Variants in PRDM14 observed in about 807,000 individuals in gnomAD.
The protein encoded by PRDM14 is PR domain zinc finger protein 14.
In PRDM14, 16 loss-of-function variants were observed where a neutral mutation model predicts 48.0. The ratio of observed to expected loss-of-function variants is 0.33; its 90% CI spans 0.23 to 0.51. The LOEUF (loss-of-function observed/expected upper bound fraction) is 0.51. Ranked by LOEUF, PRDM14 falls within the 20% of genes least tolerant of loss-of-function variation. The pLI is 0.97. For missense variants in PRDM14, 566 were observed against 719.6 expected, an observed-to-expected ratio of 0.79 and a Z score of 2.44; for synonymous variants, 264 against 276.6, an observed-to-expected ratio of 0.95 and a Z score of 0.45.
At position 70,068,271 on chromosome 8, in the gene PRDM14, T is replaced by C. The variant is rs1210022082; in HGVS notation, c.871A>G (p.Ser291Gly). 6.2e-7 allele frequency: 1 copy of C among 1,614,230 alleles called. No homozygotes were observed. The highest frequency in any genetic ancestry group is 1.1e-5 in the South Asian group (1 of 91,090). The change falls in exon 4 of 8, where the codon AGT becomes GGT. Residue 291 changes from serine (S) to glycine (G), a missense_variant. By Grantham distance (56) the Ser-to-Gly change is moderately conservative. This residue lies in a region of PRDM14 where 410 missense variants were observed against 424.6 expected (regional missense o/e 0.97). Transcript: ENST00000276594. ...GPFQGKVVNA[S>G]EVKTYGDNSV... ...TTGTCTCCGTAGGTCTTCACTTCACTGGCATTGACCACTTTACCTTGAAAG... is the reference window on the plus strand; with the variant it reads ...TTGTCTCCGTAGGTCTTCACTTCACCGGCATTGACCACTTTACCTTGAAAG...
intron 5 of PRDM14, among the ~76,000 whole-genome samples, chr8:70,059,279 T>TTC (rs1204906182): frequency 6.6e-6 from 1 of 151,104 alleles, no homozygotes; most frequent in African/African-American, 2.4e-5. Context: ...TTCTTTTCTT[T>TTC]TTTTTTTTTT....
At position 70,066,311 on chromosome 8, in the gene PRDM14, G is replaced by T. The variant is rs1805666035; in HGVS notation, c.1107C>A (p.Cys369Ter). 5.0e-6 allele frequency: 8 copies of T among 1,614,156 alleles called. No homozygotes were observed. Among genetic ancestry groups the T allele is most frequent in the Non-Finnish European group, 6.8e-6 (8 of 1,180,034 alleles). ...CAGGAATATCCAGAAATTTCTCATA[G>T]CAGTCTCCATACCACACAAGGAGCT... is the stretch of plus-strand genomic sequence containing the variant. ...NQELLVWYGD[C>*]YEKFLDIPVS... The change falls in exon 5 of 8, where the codon TGC becomes TGA. Residue 369 changes from cysteine (C) to a stop codon, truncating the protein, a stop_gained. Transcript: ENST00000276594. LOFTEE classifies it high-confidence loss of function.
At position 70,051,770 on chromosome 8, in the gene PRDM14, T is replaced by TTTTGTCTTGTTTTG; in HGVS notation, c.*306_*307insCAAAACAAGACAAA. On this transcript the variant is annotated 3_prime_UTR_variant, in exon 8 of 8. Coordinates refer to ENST00000276594, the MANE Select transcript of PRDM14 (RefSeq NM_024504.4). ...CCACACTCTTGAGGGCTACTCATTT[T>TTTTGTCTTGTTTTG]TTTTGTTTTGTTTTGTTTTGAGACA... 4.0e-6 allele frequency: 1 copy of TTTTGTCTTGTTTTG among 247,398 alleles called. No homozygotes were observed. The allele number at this position is 247,398 out of a possible 1,614,324, so 15.3% of individuals were successfully genotyped here.
rs111241482 is a variant in PRDM14 at position 70,068,188 on chromosome 8, C to T, written c.912+42G>A. 4.5e-5 allele frequency: 73 copies of T among 1,610,938 alleles called. 1 individual carries two copies. In the African/African-American group the frequency reaches 6.7e-4, roughly 15 times the overall value. On this transcript the variant is annotated intron_variant, in intron 4 of 7. Transcript: ENST00000276594. ...GCCAAGATTTCCCCGGACTAGTCTCCCGCCCCATTTTCAGCAGCAGACCCA... is the reference window on the plus strand; with the variant it reads ...GCCAAGATTTCCCCGGACTAGTCTCTCGCCCCATTTTCAGCAGCAGACCCA...
intron 5 of PRDM14, among the ~76,000 whole-genome samples, chr8:70,065,165 C>A (rs867808525): frequency 6.6e-6 from 1 of 152,046 alleles, no homozygotes; most frequent in African/African-American, 2.4e-5. Flanking sequence ...GGATTAGAGG[C>A]GTGAGCCACT....
At position 70,061,830 on chromosome 8, in the gene PRDM14, C is replaced by T. The variant is rs146905743; in HGVS notation, c.1184-2988G>A. On this transcript the variant is annotated intron_variant, in intron 5 of 7. Coordinates refer to ENST00000276594, the MANE Select transcript of PRDM14 (RefSeq NM_024504.4). Reference sequence around the variant, plus strand: ...CTCCCCCTAGCTCTTCACACCTCCACACCCCAAAACACACACCCAAATTCC... The same window carrying T: ...CTCCCCCTAGCTCTTCACACCTCCATACCCCAAAACACACACCCAAATTCC... Among the ~76,000 whole-genome samples, 80 of 152,204 alleles carry T rather than the reference C, an allele frequency of 5.3e-4. 1 individual carries two copies. In the East Asian group the frequency reaches 0.014, roughly 28 times the overall value.
intron 5 of PRDM14, among the ~76,000 whole-genome samples, chr8:70,061,287 T>C (rs1443211333): frequency 2.6e-5 from 4 of 152,128 alleles, no homozygotes; most frequent in Non-Finnish European, 4.4e-5. Context: ...AGAGATCTCA[T>C]TGTTTGACCC....
chr8:70,056,816 CAAAAAAAAAAAA>C (rs761330044), intron 6 of PRDM14, among the ~76,000 whole-genome samples: 1 of 75,394 alleles, frequency 1.3e-5, no homozygotes, highest in East Asian at 4.5e-4. Context: ...GAGACTGTCT[CAAAAAAAAAAAA>C]AAAAAAAAAG....
In PRDM14 at chr8:70,060,625, GCT is replaced by G. The variant is rs1184105366; in HGVS notation, c.1184-1785_1184-1784del. The stretch of plus-strand genomic sequence containing the variant: ...GTCTCTTAAATATCTTAACCTATAG[GCT>G]CTCTTTCCCTTTTGTTCCTTGATAT... On this transcript the variant is annotated intron_variant, in intron 5 of 7. Transcript: ENST00000276594. Among the ~76,000 whole-genome samples the G allele has an allele frequency of 2.6e-5, 4 of 151,992 alleles. No individual in the cohort carries two copies. The East Asian group carries it at 7.7e-4, about 29-fold the overall frequency.
intron 1 of PRDM14, among the ~76,000 whole-genome samples, chr8:70,070,090 AC>A (rs796069067): frequency 4.6e-5 from 7 of 152,146 alleles, no homozygotes; most frequent in African/African-American, 1.7e-4. Flanking sequence ...AAAGCCCCAA[AC>A]GGAAATCTGC....
At chr8:70,069,137 C>A in intron 2 of PRDM14, 24 bp downstream of exon 2, 1 of 1,467,998 alleles carries the variant, frequency 6.8e-7, no homozygotes, top group East Asian at 2.4e-5. Context: ...AATTCGACTC[C>A]CAAATGGTGT....
intron 6 of PRDM14, among the ~76,000 whole-genome samples, chr8:70,057,383 G>A (rs1034206498): frequency 5.3e-5 from 8 of 149,946 alleles, no homozygotes; most frequent in Admixed American, 4.7e-4. Flanking sequence ...AGGCTGCAGT[G>A]CAATGACACA....
In PRDM14 at chr8:70,058,383, T is replaced by C. The variant is rs16936661; in HGVS notation, c.1386+257A>G. On this transcript the variant is annotated intron_variant, in intron 6 of 7. Transcript: ENST00000276594. ...GGCCACCTCTGTGCATCTTTCATAA[T>C]CCACGTGTCCAGGTGGCCGTGGACA... Among the ~76,000 whole-genome samples, 11,112 of 152,258 alleles carry C rather than the reference T, an allele frequency of 0.073. 1,394 individuals are homozygous for C. Among genetic ancestry groups the C allele is most frequent in the African/African-American group, 0.26 (10,596 of 41,518 alleles).
intron 5 of PRDM14, among the ~76,000 whole-genome samples, chr8:70,060,154 A>G (rs60233623): frequency 0.022 from 3,273 of 151,572 alleles, 136 homozygotes; most frequent in African/African-American, 0.075. Flanking sequence ...TAATCCCAAC[A>G]CTCTGGGAAG....
In PRDM14 at chr8:70,071,236, C is replaced by T. The variant is rs1172396115; in HGVS notation, c.-111G>A. ...ACTCGGGCTCGGTAGGCCACTCGGG[C>T]TCGGTAGACTTCGGGCGGGCCCTGA... is the stretch of plus-strand genomic sequence containing the variant. On this transcript the variant is annotated 5_prime_UTR_variant, in exon 1 of 8. Transcript: ENST00000276594. The surrounding 1 kb of genome is among the most constrained non-coding windows in gnomAD (Gnocchi z 5.2). 2 of 152,270 alleles carry T rather than the reference C, an allele frequency of 1.3e-5. No individual in the cohort carries two copies. Among genetic ancestry groups the T allele is most frequent in the East Asian group, 3.9e-4 (2 of 5,168 alleles). 9.4% of individuals were successfully genotyped at this position (152,270 alleles called of 1,614,324 possible). A position where few individuals can be genotyped will look rare whatever the true frequency, so the allele number is the denominator to read the frequency against.
At chr8:70,066,102 G>T in intron 5 of PRDM14, 133 bp downstream of exon 5, 1 of 999,964 alleles carries the variant, frequency 1.0e-6, no homozygotes, top group Non-Finnish European at 1.5e-6. Flanking sequence ...TTCCCCCCTG[G>T]TTAGAGACAC....
intron 1 of PRDM14, 25 bp from the exon 2 acceptor site, chr8:70,069,909 G>A (rs1235177818): frequency 7.0e-7 from 1 of 1,433,172 alleles, no homozygotes; most frequent in Non-Finnish European, 9.4e-7. Flanking sequence ...GCGCCGCTGA[G>A]GACACCGCGC....
intron 5 of PRDM14, among the ~76,000 whole-genome samples, chr8:70,065,564 C>T (rs746659184): frequency 3.3e-5 from 5 of 152,110 alleles, no homozygotes; most frequent in African/African-American, 4.8e-5. Flanking sequence ...GAACCAGCAT[C>T]ATGAAGATCC....
intron 2 of PRDM14, 49 bp downstream of exon 2, chr8:70,069,112 C>T (rs1805719919): frequency 7.1e-7 from 1 of 1,400,200 alleles, no homozygotes; most frequent in South Asian, 1.7e-5. Flanking sequence ...CCCGTTCCCG[C>T]CTGCATTCCC....
Sources: allele counts gnomAD v4.1 joint callset (sites outside exome capture counted in the v4.1 genomes callset), GRCh38; gene constraint gnomAD v4.1.1; regional missense constraint gnomAD v4.1.1; non-coding constraint Gnocchi (gnomAD v3.1); transcripts MANE v1.5; gene names NCBI Gene and HGNC (gene_info 2026-07-23, HGNC 2026-07-21).